Variants in RGS7 observed in about 807,000 individuals in gnomAD.
RGS7 encodes regulator of G protein signaling 7.
In RGS7, 27 loss-of-function variants were observed where a neutral mutation model predicts 81.1. The observed-to-expected ratio is 0.33, with a 90% CI of 0.25 to 0.46. The LOEUF is 0.46. Among genes scored for constraint, RGS7 ranks in the 20% least tolerant of loss-of-function variants. The pLI, the probability that RGS7 is intolerant of heterozygous loss-of-function variation, is 1.00. For synonymous variants in RGS7, 208 were observed against 207.7 expected, an observed-to-expected ratio of 1.00 and a Z score of -0.01; for missense variants, 396 against 607.4, an observed-to-expected ratio of 0.65 and a Z score of 3.66.
chr1:241,026,364 G>A (rs1271090394), intron 3 of RGS7, among the ~76,000 whole-genome samples: 3 of 152,132 alleles, frequency 2.0e-5, no homozygotes, highest in Non-Finnish European at 4.4e-5. Flanking sequence ...GAGGCGGGTG[G>A]ATCACCTGAG....
chr1:241,013,022 TG>T (rs2059037851), intron 3 of RGS7, among the ~76,000 whole-genome samples: 2 of 150,418 alleles, frequency 1.3e-5, no homozygotes, highest in East Asian at 2.0e-4. Flanking sequence ...AACTTCAGGC[TG>T]GTATAAAAAT....
chr1:241,022,003 A>G (rs141629120), intron 3 of RGS7, among the ~76,000 whole-genome samples: 68 of 152,338 alleles, frequency 4.5e-4, no homozygotes, highest in African/African-American at 1.6e-3. Flanking sequence ...TGATCACTGC[A>G]TGTTTAGCTG....
At position 241,019,693 on chromosome 1, in the gene RGS7, T is replaced by G. The variant is rs182755827; in HGVS notation, c.176-36564A>C. On this transcript the variant is annotated intron_variant, in intron 3 of 18. Coordinates refer to ENST00000440928, the MANE Select transcript of RGS7 (RefSeq NM_001364886.1). The stretch of plus-strand genomic sequence containing the variant: ...CCTGAAAAGGACATGAACTCATCCT[T>G]GTTTTATGGCTGCATACTATTCTAT... Among the ~76,000 whole-genome samples, 304 of 152,322 alleles carry G rather than the reference T, an allele frequency of 2.0e-3. 1 individual carries two copies. Among genetic ancestry groups the G allele is most frequent in the African/African-American group, 7.1e-3 (297 of 41,570 alleles).
rs928260908 is a variant in RGS7 at position 240,812,047 on chromosome 1, T to C, written c.957-4A>G. ...CCTCTGCTGGCTCGGTTCTTTGCTATAGAAGATAAAACAAAGGCAAATACA... is the reference window on the plus strand; with the variant it reads ...CCTCTGCTGGCTCGGTTCTTTGCTACAGAAGATAAAACAAAGGCAAATACA... On this transcript the variant is annotated splice_region_variant and splice_polypyrimidine_tract_variant and intron_variant, in intron 13 of 18. Coordinates refer to ENST00000440928, the MANE Select transcript of RGS7 (RefSeq NM_001364886.1). The C allele has an allele frequency of 6.2e-6, 10 of 1,614,038 alleles. No homozygotes were observed. The highest frequency in any genetic ancestry group is 2.2e-5 in the East Asian group (1 of 44,880).
intron 2 of RGS7, among the ~76,000 whole-genome samples, chr1:241,262,529 T>C (rs1004938233): frequency 1.3e-5 from 2 of 152,184 alleles, no homozygotes; most frequent in African/African-American, 4.8e-5. Flanking sequence ...GGAAGAGAGA[T>C]TTGTTTGTGA....
intron 3 of RGS7, among the ~76,000 whole-genome samples, chr1:241,015,628 T>C: frequency 6.6e-6 from 1 of 152,178 alleles, no homozygotes; most frequent in Admixed American, 6.6e-5. Context: ...AACAAATAAA[T>C]GTCAACCTCA....
intron 3 of RGS7, among the ~76,000 whole-genome samples, chr1:241,011,513 T>C (rs1187036091): frequency 2.6e-5 from 4 of 152,076 alleles, no homozygotes; most frequent in African/African-American, 4.8e-5. Context: ...ACAGTGTGGA[T>C]TGAGGGACCT....
intron 3 of RGS7, among the ~76,000 whole-genome samples, chr1:240,996,220 A>G (rs901106747): frequency 6.6e-6 from 1 of 152,106 alleles, no homozygotes; most frequent in Non-Finnish European, 1.5e-5. Context: ...ATATGGTCTT[A>G]GGGAATGTTT....
chr1:241,059,559 T>TACATATGAGGAGAATGAGGCAGAG (rs1441676440), intron 3 of RGS7, among the ~76,000 whole-genome samples: 8 of 152,162 alleles, frequency 5.3e-5, no homozygotes, highest in Admixed American at 1.3e-4. Context: ...ACAGCAATTT[T>TACATATGAGGAGAATGAGGCAGAG]AGACATAATT....
intron 2 of RGS7, among the ~76,000 whole-genome samples, chr1:241,302,383 A>T (rs2148505925): frequency 6.6e-6 from 1 of 152,282 alleles, no homozygotes; most frequent in Non-Finnish European, 1.5e-5. Flanking sequence ...CCCCGTTTCT[A>T]CTAAAAATAC....
Position 240,836,242 on chromosome 1 carries a change from G to C in RGS7, c.610-9070C>G, listed in dbSNP as rs141329116. ...CTTAATTTTGCTGTGAACCAAAACT[G>C]CTCTAAAAAATAAAATTGATTAAAA... On this transcript the variant is annotated intron_variant, in intron 9 of 18. Coordinates refer to ENST00000440928, the MANE Select transcript of RGS7 (RefSeq NM_001364886.1). Among the ~76,000 whole-genome samples, 698 of 152,186 alleles carry C rather than the reference G, an allele frequency of 4.6e-3. 8 individuals are homozygous for C. Among genetic ancestry groups the C allele is most frequent in the African/African-American group, 0.016 (676 of 41,488 alleles).
At chr1:241,277,100 C>T (rs1014198020) in intron 2 of RGS7, among the ~76,000 whole-genome samples, 11 of 152,150 alleles carry the variant, frequency 7.2e-5, no homozygotes, top group Admixed American at 7.2e-4. Flanking sequence ...CTCCTGTTAG[C>T]GTTGCTACAT....
intron 11 of RGS7, among the ~76,000 whole-genome samples, chr1:240,815,890 C>G (rs1286411166): frequency 1.3e-5 from 2 of 152,210 alleles, no homozygotes; most frequent in Non-Finnish European, 2.9e-5. Flanking sequence ...ATCAGCACTG[C>G]AGAAAGCGAG....
At chr1:240,958,962 G>A (rs913266189) in intron 4 of RGS7, among the ~76,000 whole-genome samples, 4 of 152,202 alleles carry the variant, frequency 2.6e-5, no homozygotes, top group East Asian at 1.9e-4. Context: ...AGGCAGGCAC[G>A]CTGCTTAAAC....
intron 2 of RGS7, among the ~76,000 whole-genome samples, chr1:241,321,401 A>C (rs1437430060): frequency 1.3e-5 from 2 of 152,214 alleles, no homozygotes; most frequent in Non-Finnish European, 2.9e-5. Context: ...TGGAGTCCCC[A>C]GGCGGATTCA....
At chr1:241,065,710 T>A (rs1353843328) in intron 3 of RGS7, among the ~76,000 whole-genome samples, 1 of 152,186 alleles carries the variant, frequency 6.6e-6, no homozygotes, top group Admixed American at 6.5e-5. Flanking sequence ...ATTCAACAAA[T>A]CATTTTGGCC....
At chr1:241,051,421 T>C (rs1274451023) in intron 3 of RGS7, among the ~76,000 whole-genome samples, 1 of 151,686 alleles carries the variant, frequency 6.6e-6, no homozygotes, top group African/African-American at 2.4e-5. Context: ...CACTCTGTAG[T>C]TACCTTGAAA....
At chr1:241,128,374 A>G (rs1181625776) in intron 2 of RGS7, among the ~76,000 whole-genome samples, 1 of 152,026 alleles carries the variant, frequency 6.6e-6, no homozygotes, top group Non-Finnish European at 1.5e-5. Flanking sequence ...ACTTGACATC[A>G]GGAGTTTGCG....
intron 18 of RGS7, among the ~76,000 whole-genome samples, chr1:240,779,496 C>T (rs2102956247): frequency 1.4e-5 from 2 of 140,558 alleles, no homozygotes; most frequent in South Asian, 4.3e-4. Flanking sequence ...TTGTTTGCCC[C>T]TCCCACCAGG....
Sources: allele counts gnomAD v4.1 joint callset (sites outside exome capture counted in the v4.1 genomes callset), GRCh38; gene constraint gnomAD v4.1.1; transcripts MANE v1.5; gene names NCBI Gene and HGNC (gene_info 2026-07-23, HGNC 2026-07-21).